Variants in CDH13 observed in about 807,000 individuals in gnomAD.
CDH13 encodes cadherin 13.
Under a neutral mutation model 63.8 loss-of-function variants are expected in CDH13, and 24 were observed. The ratio of observed to expected loss-of-function variants is 0.38; its 90% CI spans 0.27 to 0.53. The LOEUF (loss-of-function observed/expected upper bound fraction) is 0.53, where lower values mean the gene tolerates loss of function less well. Ranked by LOEUF, CDH13 falls within the 20% of genes least tolerant of loss-of-function variation. The pLI, the probability that CDH13 is intolerant of heterozygous loss-of-function variation, is 0.85. For synonymous variants in CDH13, 503 were observed against 355.3 expected (o/e 1.42, Z -4.67); for missense variants, 1,049 against 903.1 (o/e 1.16, Z -2.07).
At position 83,119,255 on chromosome 16, in the gene CDH13, CTCCCTTT is replaced by C. The variant is rs1231077308; in HGVS notation, c.367-6117_367-6111del. Among the ~76,000 whole-genome samples, 10 of 152,270 alleles carry C rather than the reference CTCCCTTT, an allele frequency of 6.6e-5. No homozygotes were observed. In the East Asian group the frequency reaches 9.7e-4, roughly 15 times the overall value. On this transcript the variant is annotated intron_variant, in intron 3 of 13. Transcript: ENST00000567109. Reference sequence around the variant, plus strand: ...TGAAACTCATCAGATGGTTACGTTCCTCCCTTTTCCCTTTTCCCTCTTCCCATAATCT... The same window carrying C: ...TGAAACTCATCAGATGGTTACGTTCCTCCCTTTTCCCTCTTCCCATAATCT...
At chr16:83,352,229 T>C (rs964594161) in intron 6 of CDH13, among the ~76,000 whole-genome samples, 1 of 151,630 alleles carries the variant, frequency 6.6e-6, no homozygotes, top group African/African-American at 2.4e-5. Context: ...TATGAAAGAG[T>C]TGCATAATCC....
intron 3 of CDH13, among the ~76,000 whole-genome samples, chr16:83,055,624 A>G (rs1032807615): frequency 1.3e-5 from 2 of 152,044 alleles, no homozygotes; most frequent in Non-Finnish European, 2.9e-5. Context: ...GTAGCCTAAG[A>G]TAATTCCAAG....
At position 82,980,986 on chromosome 16, in the gene CDH13, C is replaced by A. The variant is rs181415945; in HGVS notation, c.158-51024C>A. Among the ~76,000 whole-genome samples, 4 of 152,252 alleles carry A rather than the reference C, an allele frequency of 2.6e-5. No homozygotes were observed. In the East Asian group the frequency reaches 5.8e-4, roughly 22 times the overall value. On this transcript the variant is annotated intron_variant, in intron 2 of 13. Coordinates refer to ENST00000567109, the MANE Select transcript of CDH13 (RefSeq NM_001257.5). ...ACAAAACATGCTGCTGCTTTTTTCTCATCCCCTAAATTTTGCCATTTCAGC... is the reference window on the plus strand; with the variant it reads ...ACAAAACATGCTGCTGCTTTTTTCTAATCCCCTAAATTTTGCCATTTCAGC...
chr16:83,176,102 G>C (rs1198251783), intron 4 of CDH13, among the ~76,000 whole-genome samples: 1 of 149,870 alleles, frequency 6.7e-6, no homozygotes, highest in Admixed American at 6.7e-5. Flanking sequence ...CACTTGCCTC[G>C]GTCTCCCAGA....
At chr16:83,217,259 G>A in intron 4 of CDH13, 86 bp from the exon 5 acceptor site, 1 of 1,374,370 alleles carries the variant, frequency 7.3e-7, no homozygotes, top group East Asian at 2.3e-5. Context: ...CCTGTGATTA[G>A]TGAATTGCTC....
chr16:83,132,836 A>C (rs2036119422), intron 4 of CDH13, among the ~76,000 whole-genome samples: 1 of 152,238 alleles, frequency 6.6e-6, no homozygotes, highest in African/African-American at 2.4e-5. Flanking sequence ...CTAAAGGCTC[A>C]GTGCTCAAAA....
intron 4 of CDH13, among the ~76,000 whole-genome samples, chr16:83,174,576 C>G (rs565095374): frequency 5.3e-5 from 8 of 152,112 alleles, no homozygotes; most frequent in Non-Finnish European, 1.0e-4. Flanking sequence ...CCTGCACTGT[C>G]CAGTTAGGTA....
At chr16:82,852,844 C>T (rs1316251156) in intron 1 of CDH13, among the ~76,000 whole-genome samples, 1 of 152,148 alleles carries the variant, frequency 6.6e-6, no homozygotes, top group Admixed American at 6.6e-5. Flanking sequence ...ACCACATCTG[C>T]TGGCCACATC....
chr16:82,832,763 T>C (rs2038603104), intron 1 of CDH13, among the ~76,000 whole-genome samples: 1 of 152,208 alleles, frequency 6.6e-6, no homozygotes, highest in South Asian at 2.1e-4. Context: ...TAACTGTATA[T>C]TCTGAAATGT....
In CDH13 at chr16:83,373,454, C is replaced by T. The variant is rs558340107; in HGVS notation, c.781+28448C>T. On this transcript the variant is annotated intron_variant, in intron 6 of 13. Transcript: ENST00000567109. ...TCTGGATAGCATGAGAAGCTTGTTC[C>T]GGAAGAAGGAACCTATGTACGAAGA... Among the ~76,000 whole-genome samples, 10 of 152,050 alleles carry T rather than the reference C, an allele frequency of 6.6e-5. No homozygotes were observed. The East Asian group carries it at 1.2e-3, about 18-fold the overall frequency.
At chr16:83,261,407 TGGGTTGGG>T (rs1027993233) in intron 5 of CDH13, among the ~76,000 whole-genome samples, 5 of 152,228 alleles carry the variant, frequency 3.3e-5, no homozygotes, top group Admixed American at 2.6e-4. Context: ...TTGTCACAGC[TGGGTTGGG>T]GGGTTGGGGG....
chr16:83,176,716 G>T (rs1175333265), intron 4 of CDH13, among the ~76,000 whole-genome samples: 1 of 152,012 alleles, frequency 6.6e-6, no homozygotes, highest in Non-Finnish European at 1.5e-5. Flanking sequence ...GTTGGGGTGG[G>T]TATATATTAT....
At chr16:82,837,603 C>T (rs2038823068) in intron 1 of CDH13, among the ~76,000 whole-genome samples, 1 of 152,150 alleles carries the variant, frequency 6.6e-6, no homozygotes, top group African/African-American at 2.4e-5. Flanking sequence ...TTCCACAATC[C>T]CCTCCCAATG....
intron 7 of CDH13, among the ~76,000 whole-genome samples, chr16:83,504,337 C>G (rs1282930317): frequency 2.0e-5 from 3 of 152,210 alleles, no homozygotes; most frequent in Non-Finnish European, 2.9e-5. Flanking sequence ...ACCCTTACTT[C>G]TCTTCTGAAG....
intron 6 of CDH13, among the ~76,000 whole-genome samples, chr16:83,408,639 T>C (rs1475253144): frequency 1.3e-5 from 2 of 152,250 alleles, no homozygotes; most frequent in Non-Finnish European, 2.9e-5. Context: ...TGGCCCATCA[T>C]TGACTGATAT....
chr16:83,509,039 CT>C, intron 7 of CDH13, among the ~76,000 whole-genome samples: 1 of 152,198 alleles, frequency 6.6e-6, no homozygotes, highest in Non-Finnish European at 1.5e-5. Context: ...CACAGAAACC[CT>C]CTGCCCTCCC....
chr16:83,133,281 T>C (rs921998138), intron 4 of CDH13, among the ~76,000 whole-genome samples: 7 of 152,194 alleles, frequency 4.6e-5, no homozygotes, highest in African/African-American at 1.4e-4. Context: ...AAAATACACA[T>C]TGGATTTCAA....
At chr16:82,946,020 C>T (rs1904675375) in intron 2 of CDH13, among the ~76,000 whole-genome samples, 1 of 152,052 alleles carries the variant, frequency 6.6e-6, no homozygotes, top group Non-Finnish European at 1.5e-5. Context: ...AATTTTATAG[C>T]ACTTCTCCTG....
chr16:83,545,490 G>A (rs1203906723), intron 7 of CDH13, among the ~76,000 whole-genome samples: 3 of 152,174 alleles, frequency 2.0e-5, no homozygotes, highest in African/African-American at 7.2e-5. Context: ...TGTCTGCACT[G>A]TCCAGAGAGG....
Sources: allele counts gnomAD v4.1 joint callset (sites outside exome capture counted in the v4.1 genomes callset), GRCh38; gene constraint gnomAD v4.1.1; transcripts MANE v1.5; gene names NCBI Gene and HGNC (gene_info 2026-07-23, HGNC 2026-07-21).